Variants in CATSPERB observed in about 807,000 individuals in gnomAD.
The protein encoded by CATSPERB is cation channel sperm-associated auxiliary subunit beta.
CATSPERB carries 93 observed loss-of-function variants against 128.3 expected under a neutral mutation model. The observed-to-expected ratio is 0.72, with a 90% CI of 0.61 to 0.86. The LOEUF (loss-of-function observed/expected upper bound fraction) is 0.86, where lower values mean the gene tolerates loss of function less well. Among genes scored for constraint, CATSPERB ranks in the 40% least tolerant of loss-of-function variants. The pLI, the probability that CATSPERB is intolerant of heterozygous loss-of-function variation, is 0.00. For synonymous variants in CATSPERB, 381 were observed against 448.8 expected (o/e 0.85, Z 1.91); for missense variants, 1,153 against 1,329.5 (o/e 0.87, Z 2.06).
At chr14:91,620,604 C>T (rs1011060283) in intron 19 of CATSPERB, among the ~76,000 whole-genome samples, 1 of 151,748 alleles carries the variant, frequency 6.6e-6, no homozygotes, top group Admixed American at 6.6e-5. Context: ...TTTTGTATTA[C>T]TTTTGTAATA....
At position 91,587,916 on chromosome 14, in the gene CATSPERB, T is replaced by G. The variant is rs1893331105; in HGVS notation, c.3057+62A>C. ...TATACTTTAGAATTAAAACCAATCT[T>G]AGTTTAGACATACATGTTTTATCTA... is the stretch of plus-strand genomic sequence containing the variant. On this transcript the variant is annotated intron_variant, in intron 25 of 26. Transcript: ENST00000256343. The G allele has an allele frequency of 3.9e-6, 4 of 1,026,970 alleles. No individual in the cohort carries two copies. The South Asian group carries it at 5.5e-5, about 14-fold the overall frequency. The allele number at this position is 1,026,970 out of a possible 1,614,324, so 63.6% of individuals were successfully genotyped here. A position where few individuals can be genotyped will look rare whatever the true frequency, so the allele number is the denominator to read the frequency against.
intron 7 of CATSPERB, among the ~76,000 whole-genome samples, chr14:91,702,200 T>A (rs1316971466): frequency 6.6e-6 from 1 of 151,802 alleles, no homozygotes; most frequent in Non-Finnish European, 1.5e-5. Context: ...AGGTAGGTAT[T>A]GGTGTTTGGA....
At chr14:91,706,529 A>G (rs1895735757) in intron 6 of CATSPERB, among the ~76,000 whole-genome samples, 1 of 152,212 alleles carries the variant, frequency 6.6e-6, no homozygotes, top group Non-Finnish European at 1.5e-5. Flanking sequence ...AAAGTGACCA[A>G]TATGAAGGTC....
chr14:91,621,482 TTAG>T (rs1313889265), intron 19 of CATSPERB, 123 bp downstream of exon 19: 1 of 674,410 alleles, frequency 1.5e-6, no homozygotes, highest in African/African-American at 1.8e-5. Flanking sequence ...ACTAATACTG[TTAG>T]TAGTAGAATG....
chr14:91,668,565 C>T (rs1463432250), intron 14 of CATSPERB, among the ~76,000 whole-genome samples: 1 of 152,182 alleles, frequency 6.6e-6, no homozygotes. Flanking sequence ...ACTCGGGACC[C>T]CTTCCATGCT....
At chr14:91,648,441 A>G (rs1595163454) in intron 15 of CATSPERB, among the ~76,000 whole-genome samples, 1 of 152,168 alleles carries the variant, frequency 6.6e-6, no homozygotes, top group East Asian at 1.9e-4. Flanking sequence ...ATTCCTCTAC[A>G]TGGAATGTTC....
At chr14:91,661,524 C>T (rs1252881001) in intron 14 of CATSPERB, among the ~76,000 whole-genome samples, 1 of 127,062 alleles carries the variant, frequency 7.9e-6, no homozygotes, top group African/African-American at 3.2e-5. Flanking sequence ...CAGATGCTAT[C>T]ATATATATAT....
At chr14:91,729,246 C>A (rs1042150054) in intron 2 of CATSPERB, among the ~76,000 whole-genome samples, 155 bp downstream of exon 2, 1 of 151,964 alleles carries the variant, frequency 6.6e-6, no homozygotes, top group African/African-American at 2.4e-5. Context: ...TATTAGAAGC[C>A]TCTAGACCAG....
intron 5 of CATSPERB, among the ~76,000 whole-genome samples, chr14:91,717,082 A>G (rs1437486716): frequency 6.6e-6 from 1 of 152,236 alleles, no homozygotes; most frequent in Non-Finnish European, 1.5e-5. Context: ...ACATAGACAA[A>G]TCTCCAATGA....
Position 91,698,832 on chromosome 14 carries a change from G to T in CATSPERB, c.617-5353C>A, listed in dbSNP as rs770806841. Among the ~76,000 whole-genome samples the T allele has an allele frequency of 3.7e-4, 56 of 151,942 alleles. 1 individual carries two copies. Among genetic ancestry groups the T allele is most frequent in the Non-Finnish European group, 1.0e-4 (7 of 67,980 alleles). Reference sequence around the variant, plus strand: ...TAGTGTACATTGTACCTAATGTGTGGTTTTTTTTATCCCTAGCTCCCTCCC... The same window carrying T: ...TAGTGTACATTGTACCTAATGTGTGTTTTTTTTTATCCCTAGCTCCCTCCC... On this transcript the variant is annotated intron_variant, in intron 7 of 26. Transcript: ENST00000256343.
At chr14:91,679,957 G>A (rs984404099) in intron 11 of CATSPERB, among the ~76,000 whole-genome samples, 13 of 152,038 alleles carry the variant, frequency 8.6e-5, no homozygotes, top group Admixed American at 4.6e-4. Flanking sequence ...TAAAGAAGAC[G>A]CTGACTCTGC....
In CATSPERB at chr14:91,685,963, G is replaced by C. The variant is rs189788557; in HGVS notation, c.865-2020C>G. Among the ~76,000 whole-genome samples, 168 of 152,228 alleles carry C rather than the reference G, an allele frequency of 1.1e-3. 1 individual carries two copies. The highest frequency in any genetic ancestry group is 3.6e-3 in the African/African-American group (151 of 41,520). On this transcript the variant is annotated intron_variant, in intron 10 of 26. Transcript: ENST00000256343. ...TGCTGTTGCCACTAAACAGATTTTG[G>C]TGGATAACTAACAGATTTTATCTCA... is the stretch of plus-strand genomic sequence containing the variant.
chr14:91,700,656 T>A (rs1381066450), intron 7 of CATSPERB, among the ~76,000 whole-genome samples: 1 of 152,164 alleles, frequency 6.6e-6, no homozygotes, highest in Non-Finnish European at 1.5e-5. Flanking sequence ...ATAAAAAGAA[T>A]GAAATCATGT....
In CATSPERB at chr14:91,592,041, C is replaced by T. The variant is rs150629063; in HGVS notation, c.2710-39G>A. ...TAACAGATGTTGACTTGTTTTTCTG[C>T]GTTGCGGGATTTCTGCAAACTGATA... On this transcript the variant is annotated intron_variant, in intron 22 of 26. Transcript: ENST00000256343. 7.1e-4 allele frequency: 923 copies of T among 1,294,762 alleles called. 6 individuals are homozygous for T. The Admixed American group carries it at 0.014, about 19-fold the overall frequency. The allele number at this position is 1,294,762 out of a possible 1,614,324, so 80.2% of individuals were successfully genotyped here.
intron 14 of CATSPERB, among the ~76,000 whole-genome samples, chr14:91,666,767 C>G (rs1894990670): frequency 1.3e-5 from 2 of 152,156 alleles, no homozygotes; most frequent in Non-Finnish European, 2.9e-5. Flanking sequence ...ACTTAGATAC[C>G]AGGCGCTACT....
chr14:91,729,181 ATACAAAAAT>A (rs1332352504), intron 2 of CATSPERB, among the ~76,000 whole-genome samples: 2 of 152,152 alleles, frequency 1.3e-5, no homozygotes, highest in Non-Finnish European at 2.9e-5. Context: ...TCTACTAAAA[ATACAAAAAT>A]TAGCCAGGCG....
At chr14:91,713,346 C>T (rs796684368) in intron 5 of CATSPERB, among the ~76,000 whole-genome samples, 4 of 151,848 alleles carry the variant, frequency 2.6e-5, no homozygotes, top group African/African-American at 7.2e-5. Flanking sequence ...AGAGTGACAA[C>T]TGATGAAATT....
In CATSPERB at chr14:91,612,012, TTTTCTTTCTTTCTTTC is replaced by T. The variant is rs71120177; in HGVS notation, c.2401-1351_2401-1336del. Among the ~76,000 whole-genome samples, 99 of 133,026 alleles carry T rather than the reference TTTTCTTTCTTTCTTTC, an allele frequency of 7.4e-4. 1 individual carries two copies. Among genetic ancestry groups the T allele is most frequent in the Admixed American group, 1.8e-3 (23 of 12,738 alleles). The allele number at this position is 133,026 out of a possible 152,430, so 87.3% of individuals were successfully genotyped here. On this transcript the variant is annotated intron_variant, in intron 20 of 26. Transcript: ENST00000256343. ...ATAAAATAACTTTGATTGTTTACTG[TTTTCTTTCTTTCTTTC>T]TTTCTTTCTTTCTTTCTTTCTTTCT...
rs759135727 is a variant in CATSPERB, at chr14:91,659,885, C to T, written c.1384G>A (p.Ala462Thr). 5 of 1,601,150 alleles carry T rather than the reference C, an allele frequency of 3.1e-6. No individual in the cohort carries two copies. The African/African-American group carries it at 6.8e-5, about 22-fold the overall frequency. ...KKTFHSFYTS[A>T]ITFVSQRGKV... is the part of the protein sequence containing the mutation. ...CCACGTTGAGAAACAAAAGTAATAG[C>T]TGATGTATAAAAACTATGAAAAGTC... The change falls in exon 15 of 27, where the codon GCT becomes ACT. Residue 462 changes from alanine (A) to threonine (T), a missense_variant. Ala to Thr is a moderately conservative substitution (Grantham distance 58). Transcript: ENST00000256343.
Sources: allele counts gnomAD v4.1 joint callset (sites outside exome capture counted in the v4.1 genomes callset), GRCh38; gene constraint gnomAD v4.1.1; transcripts MANE v1.5; gene names NCBI Gene and HGNC (gene_info 2026-07-23, HGNC 2026-07-21).